The following METTL25B variants were observed in gnomAD, a reference collection of about 807,000 sequenced individuals.
The protein encoded by METTL25B is methyltransferase like 25B, also known as methyltransferase-like protein 25B.
A neutral mutation model predicts 48.4 loss-of-function variants in METTL25B; 38 were observed. The observed-to-expected ratio is 0.78, with a 90% confidence interval of 0.61 to 1.03. The LOEUF (loss-of-function observed/expected upper bound fraction) is 1.03. Among genes scored for constraint, METTL25B ranks in the 50% least tolerant of loss-of-function variants. The pLI is 0.00. For synonymous variants in METTL25B, 230 were observed against 254.5 expected (o/e 0.90, Z 0.92); for missense variants, 537 against 603.7 (o/e 0.89, Z 1.16).
rs755772433 is a variant in METTL25B at position 156,734,315 on chromosome 1, C to T, written c.943C>T (p.Arg315Trp). Residue 315 changes from arginine (R) to tryptophan (W), a missense_variant, in exon 6 of 8, where the codon CGG becomes TGG. By Grantham distance (101) the Arg-to-Trp change is moderately radical. Coordinates refer to ENST00000368216, the MANE Select transcript of METTL25B (RefSeq NM_015997.4). ...TGGCTATGAACTGCCCTACCGGCTT[C>T]GGGAGGGGGCCTGCCATGCCCTGGA... ...LPGYELPYRL[R>W]EGACHALEEY... The T allele has an allele frequency of 5.6e-6, 9 of 1,613,776 alleles. No individual in the cohort carries two copies. The highest frequency in any genetic ancestry group is 2.2e-5 in the East Asian group (1 of 44,882).
At chr1:156,731,176 T>G (rs1005204383) in intron 1 of METTL25B, among the ~76,000 whole-genome samples, 3 of 152,220 alleles carry the variant, frequency 2.0e-5, no homozygotes, top group Non-Finnish European at 4.4e-5. Context: ...CAGGCTGGAG[T>G]GCAGTGGCAC....
rs1648922553 is a variant in METTL25B at position 156,728,497 on chromosome 1, A to G, written c.-608A>G. 1.0e-6 allele frequency: 1 copy of G among 985,596 alleles called. No homozygotes were observed. The allele number at this position is 985,596 out of a possible 1,614,324, so 61.1% of individuals were successfully genotyped here. A position where few individuals can be genotyped will look rare whatever the true frequency, so the allele number is the denominator to read the frequency against. The stretch of plus-strand genomic sequence containing the variant: ...GCGCGCCGACGAAGCCCGGGAAGGC[A>G]GGCGCGCGGGTTAGAACGCGCCAGA... On this transcript the variant is annotated 5_prime_UTR_variant, in exon 1 of 8. Coordinates refer to ENST00000368216, the MANE Select transcript of METTL25B (RefSeq NM_015997.4).
intron 1 of METTL25B, among the ~76,000 whole-genome samples, chr1:156,731,253 A>G (rs1649261301): frequency 6.6e-6 from 1 of 152,148 alleles, no homozygotes. Flanking sequence ...CCTACTGGGT[A>G]GCTGGGATTA....
intron 7 of METTL25B, 129 bp downstream of exon 7, chr1:156,736,038 TGAGTAGGGGATTGG>T (rs1350992104): frequency 2.6e-6 from 2 of 758,650 alleles, no homozygotes; most frequent in Non-Finnish European, 4.2e-6. Flanking sequence ...ACCCCACCTT[TGAGTAGGGGATTGG>T]GAGTAGGGGA....
At chr1:156,733,626 G>A in intron 5 of METTL25B, 106 bp downstream of exon 5, 3 of 1,224,396 alleles carry the variant, frequency 2.5e-6, no homozygotes, top group Non-Finnish European at 3.4e-6. Context: ...GCTTGAACTG[G>A]TGTGGTCCCT....
At position 156,733,457 on chromosome 1, in the gene METTL25B, A is replaced by G; in HGVS notation, c.573A>G (p.Arg191=). ...AAGGGGATCAGAGACTGGTGGAGAG[A>G]GCCCAGCGCCTGGACCAGGAGCTTC... ...SIEGDQRLVE[R]AQRLDQELLQ... The change falls in exon 5 of 8, where the codon AGA becomes AGG. Residue 191 remains arginine, a synonymous_variant. Transcript: ENST00000368216. 6.2e-7 allele frequency: 1 copy of G among 1,614,100 alleles called. No homozygotes were observed. The highest frequency in any genetic ancestry group is 8.5e-7 in the Non-Finnish European group (1 of 1,180,002).
rs1018089533 is a variant in METTL25B, at chr1:156,728,729, A to C, written c.-376A>C. The C allele has an allele frequency of 1.0e-6, 1 of 1,001,398 alleles. No individual in the cohort carries two copies. 62.0% of individuals were successfully genotyped at this position (1,001,398 alleles called of 1,614,324 possible). A position where few individuals can be genotyped will look rare whatever the true frequency, so the allele number is the denominator to read the frequency against. ...ATAAACCGGAACTGCAGCCCGCCGGACACCTCCGGCTTCACTTCCGTAAGA... is the reference window on the plus strand; with the variant it reads ...ATAAACCGGAACTGCAGCCCGCCGGCCACCTCCGGCTTCACTTCCGTAAGA... On this transcript the variant is annotated 5_prime_UTR_variant, in exon 1 of 8. Coordinates refer to ENST00000368216, the MANE Select transcript of METTL25B (RefSeq NM_015997.4).
Position 156,729,096 on chromosome 1 carries a change from G to T in METTL25B, c.-9G>T. On this transcript the variant is annotated 5_prime_UTR_variant, in exon 1 of 8. Transcript: ENST00000368216. Reference sequence around the variant, plus strand: ...TTCTCGCTCCCCGCGCTCCCTGCTGGACCCCGGGATGCCGGGCATCTCCGC... The same window carrying T: ...TTCTCGCTCCCCGCGCTCCCTGCTGTACCCCGGGATGCCGGGCATCTCCGC... 3 of 1,577,184 alleles carry T rather than the reference G, an allele frequency of 1.9e-6. No individual in the cohort carries two copies. The highest frequency in any genetic ancestry group is 2.6e-6 in the Non-Finnish European group (3 of 1,153,742).
chr1:156,728,579 C>G lies in METTL25B; in HGVS notation c.-526C>G. ...CCCCAGGTAGTGAGGCCAGTGATTC[C>G]GAGTGTGTGAGGAGCGGCAGTGGCG... On this transcript the variant is annotated 5_prime_UTR_variant, in exon 1 of 8. Coordinates refer to ENST00000368216, the MANE Select transcript of METTL25B (RefSeq NM_015997.4). 1 of 976,380 alleles carries G rather than the reference C, an allele frequency of 1.0e-6. No homozygotes were observed. The highest frequency in any genetic ancestry group is 1.2e-6 in the Non-Finnish European group (1 of 826,788). The allele number at this position is 976,380 out of a possible 1,614,324, so 60.5% of individuals were successfully genotyped here. A position where few individuals can be genotyped will look rare whatever the true frequency, so the allele number is the denominator to read the frequency against.
At chr1:156,729,493 C>G (rs1385178954) in intron 1 of METTL25B, 1 of 275,060 alleles carries the variant, frequency 3.6e-6, no homozygotes. Flanking sequence ...GTGGCACGAT[C>G]TCGGCTCACT....
At chr1:156,730,552 C>T (rs560343518) in intron 1 of METTL25B, among the ~76,000 whole-genome samples, 33 of 150,980 alleles carry the variant, frequency 2.2e-4, no homozygotes, top group Admixed American at 4.6e-4. Flanking sequence ...GGTGAAACCC[C>T]GTCTCTACTA....
intron 4 of METTL25B, 122 bp from the exon 5 acceptor site, chr1:156,733,255 C>A: frequency 8.1e-7 from 1 of 1,228,780 alleles, no homozygotes; most frequent in Non-Finnish European, 1.1e-6. Flanking sequence ...TTAATAAGTT[C>A]TGTAGGGTAA....
Position 156,736,912 on chromosome 1 carries a change from C to T in METTL25B, c.*159C>T, listed in dbSNP as rs937420016. On this transcript the variant is annotated 3_prime_UTR_variant, in exon 8 of 8. Coordinates refer to ENST00000368216, the MANE Select transcript of METTL25B (RefSeq NM_015997.4). ...CTCTCCTTCCATGGATTATGTAATACATTGTAAAGTTTTAATTAATTAAAA... is the reference window on the plus strand; with the variant it reads ...CTCTCCTTCCATGGATTATGTAATATATTGTAAAGTTTTAATTAATTAAAA... 3 of 665,032 alleles carry T rather than the reference C, an allele frequency of 4.5e-6. No individual in the cohort carries two copies. The highest frequency in any genetic ancestry group is 1.8e-5 in the African/African-American group (1 of 55,058). 41.2% of individuals were successfully genotyped at this position (665,032 alleles called of 1,614,324 possible).
intron 4 of METTL25B, 92 bp downstream of exon 4, chr1:156,733,139 AG>A: frequency 7.6e-7 from 1 of 1,318,798 alleles, no homozygotes; most frequent in Non-Finnish European, 1.1e-6. Flanking sequence ...CCAGCGAGGC[AG>A]GTGTCAAGAA....
chr1:156,734,358 T>A lies in METTL25B; in HGVS notation c.986T>A (p.Leu329Gln). The change falls in exon 6 of 8, where the codon CTA becomes CAA. Residue 329 changes from leucine to glutamine, a missense_variant. Physicochemically the swap from Leu to Gln is moderately radical, Grantham distance 113 (BLOSUM62 -2). Transcript: ENST00000368216. ...GCCCTGGAGGAATATGCTGAGCGGC[T>A]ACAGAAAGCTGGCCCTGGCCTTCGA... Reference protein sequence around the residue: ...CHALEEYAERLQKAGPGLRTH... With the variant: ...CHALEEYAERQQKAGPGLRTH... 6.2e-6 allele frequency: 10 copies of A among 1,613,942 alleles called. No individual in the cohort carries two copies. The highest frequency in any genetic ancestry group is 8.5e-6 in the Non-Finnish European group (10 of 1,179,944).
At position 156,734,070 on chromosome 1, in the gene METTL25B, C is replaced by T; in HGVS notation, c.698C>T (p.Ala233Val). 1 of 1,614,078 alleles carries T rather than the reference C, an allele frequency of 6.2e-7. No individual in the cohort carries two copies. Among genetic ancestry groups the T allele is most frequent in the East Asian group, 2.2e-5 (1 of 44,876 alleles). Residue 233 changes from alanine to valine, a missense_variant, in exon 6 of 8, where the codon GCC becomes GTC. Transcript: ENST00000368216. ...GTGGTTAGGTGGGTAGACCCCACAG[C>T]CCTGTGTGAGGAGCTTCTGCTTCCA... ...HHVVRWVDPTALCEELLLPLE... is the reference protein window; with the variant it reads ...HHVVRWVDPTVLCEELLLPLE...
chr1:156,734,622 C>A, intron 6 of METTL25B, 129 bp downstream of exon 6: 1 of 1,086,454 alleles, frequency 9.2e-7, no homozygotes, highest in South Asian at 1.7e-5. Flanking sequence ...AGCTCTGTCT[C>A]CTGGGTTCAT....
chr1:156,733,462 A>G lies in METTL25B; in HGVS notation c.578A>G (p.Gln193Arg), dbSNP rs1398293416. 1 of 1,614,156 alleles carries G rather than the reference A, an allele frequency of 6.2e-7. No individual in the cohort carries two copies. The highest frequency in any genetic ancestry group is 1.1e-5 in the South Asian group (1 of 91,084). ...EGDQRLVERA[Q>R]RLDQELLQAL... is the part of the protein sequence containing the mutation. Reference sequence around the variant, plus strand: ...GATCAGAGACTGGTGGAGAGAGCCCAGCGCCTGGACCAGGAGCTTCTGCAG... The same window carrying G: ...GATCAGAGACTGGTGGAGAGAGCCCGGCGCCTGGACCAGGAGCTTCTGCAG... Residue 193 changes from glutamine to arginine, a missense_variant, in exon 5 of 8, where the codon CAG (glutamine) becomes CGG (arginine). Physicochemically the swap from Gln to Arg is conservative, Grantham distance 43. Coordinates refer to ENST00000368216, the MANE Select transcript of METTL25B (RefSeq NM_015997.4).
intron 6 of METTL25B, among the ~76,000 whole-genome samples, chr1:156,734,849 C>CT (rs71080791): frequency 0.97 from 146,615 of 151,932 alleles, 70,955 homozygotes; most frequent in East Asian, 1. Flanking sequence ...AGATTTCTAA[C>CT]GGAGATCTTC....
Sources: gnomAD v4.1 joint callset for allele counts (sites outside exome capture counted in the v4.1 genomes callset) on GRCh38, gnomAD v4.1.1 for gene constraint, MANE v1.5 for transcripts, NCBI Gene and HGNC (gene_info 2026-07-23, HGNC 2026-07-21) for gene names.